The following RIT2 variants were observed in gnomAD, a reference collection of about 807,000 sequenced individuals.
The protein encoded by RIT2 is Ras like without CAAX 2.
Under a neutral mutation model 23.7 loss-of-function variants are expected in RIT2, and 24 were observed. The ratio of observed to expected loss-of-function variants is 1.01; its 90% CI spans 0.73 to 1.43. The LOEUF (loss-of-function observed/expected upper bound fraction) is 1.43, where lower values mean the gene tolerates loss of function less well. Ranked by LOEUF, RIT2 falls within the 40% of genes most tolerant of loss-of-function variation. The pLI is 0.00. For synonymous variants in RIT2, 107 were observed against 91.1 expected, an observed-to-expected ratio of 1.17 and a Z score of -0.99; for missense variants, 236 against 266.9, an observed-to-expected ratio of 0.88 and a Z score of 0.81.
At chr18:42,894,998 T>C (rs991293634) in intron 4 of RIT2, among the ~76,000 whole-genome samples, 2 of 152,176 alleles carry the variant, frequency 1.3e-5, no homozygotes, top group Non-Finnish European at 2.9e-5. Context: ...AGTTTGGAAG[T>C]GGAAGCCTCA....
At chr18:42,949,440 A>T (rs1909799168) in intron 3 of RIT2, among the ~76,000 whole-genome samples, 1 of 152,106 alleles carries the variant, frequency 6.6e-6, no homozygotes, top group Non-Finnish European at 1.5e-5. Flanking sequence ...TAAATGTTTC[A>T]AAATAATTAT....
intron 1 of RIT2, among the ~76,000 whole-genome samples, chr18:43,092,340 A>G (rs1201597730): frequency 6.6e-6 from 1 of 152,094 alleles, no homozygotes; most frequent in Non-Finnish European, 1.5e-5. Flanking sequence ...TTTCCTTTTA[A>G]AAATGGAGTA....
intron 4 of RIT2, among the ~76,000 whole-genome samples, chr18:42,789,080 G>C (rs1913983055): frequency 6.6e-6 from 1 of 152,050 alleles, no homozygotes; most frequent in South Asian, 2.1e-4. Flanking sequence ...AGTGAAACTG[G>C]CATATCTTTA....
intron 4 of RIT2, among the ~76,000 whole-genome samples, chr18:42,789,594 T>C (rs1913996549): frequency 1.3e-5 from 2 of 152,178 alleles, no homozygotes; most frequent in African/African-American, 4.8e-5. Context: ...ATACTGTAAA[T>C]GGGATTGTCT....
chr18:42,990,059 G>T (rs2144226195), intron 2 of RIT2, among the ~76,000 whole-genome samples: 1 of 150,696 alleles, frequency 6.6e-6, no homozygotes, highest in Non-Finnish European at 1.5e-5. Flanking sequence ...TTATTGTAAG[G>T]AATACAATAA....
intron 4 of RIT2, among the ~76,000 whole-genome samples, chr18:42,898,435 T>C (rs960639977): frequency 6.6e-6 from 1 of 152,128 alleles, no homozygotes; most frequent in Admixed American, 6.5e-5. Context: ...GGCAATTGTA[T>C]AGTCTTCTTT....
chr18:42,882,116 T>C (rs1423403369), intron 4 of RIT2, among the ~76,000 whole-genome samples: 1 of 152,232 alleles, frequency 6.6e-6, no homozygotes, highest in African/African-American at 2.4e-5. Flanking sequence ...TTTTTAACTA[T>C]ATATTTTCTG....
At chr18:43,094,123 G>GT (rs376144367) in intron 1 of RIT2, among the ~76,000 whole-genome samples, 45,938 of 115,786 alleles carry the variant, frequency 0.4, 8,257 homozygotes, top group East Asian at 0.5. Context: ...GGTTTTTTTT[G>GT]TTTTTTTTTT....
At chr18:43,053,493 G>A (rs1381353239) in intron 1 of RIT2, among the ~76,000 whole-genome samples, 1 of 151,940 alleles carries the variant, frequency 6.6e-6, no homozygotes, top group Non-Finnish European at 1.5e-5. Context: ...GGATTAAATG[G>A]GATGGTAAGG....
In RIT2 at chr18:42,930,769, T is replaced by C. The variant is rs189444543; in HGVS notation, c.235-7006A>G. ...CTTAGGTGAAAGATTAGAATCTAAA[T>C]GGGGTAGTTGTGACAGATTCAGGGG... On this transcript the variant is annotated intron_variant, in intron 3 of 4. Coordinates refer to ENST00000326695, the MANE Select transcript of RIT2 (RefSeq NM_002930.4). Among the ~76,000 whole-genome samples, 419 of 152,130 alleles carry C rather than the reference T, an allele frequency of 2.8e-3. 2 individuals are homozygous for C. The highest frequency in any genetic ancestry group is 9.4e-3 in the African/African-American group (392 of 41,512).
At chr18:42,873,393 A>G (rs1244152715) in intron 4 of RIT2, among the ~76,000 whole-genome samples, 1 of 152,178 alleles carries the variant, frequency 6.6e-6, no homozygotes, top group Non-Finnish European at 1.5e-5. Context: ...TCCGAGTAGA[A>G]AAATGCTGAT....
chr18:43,048,276 G>T (rs1912295473), intron 1 of RIT2, among the ~76,000 whole-genome samples: 2 of 152,152 alleles, frequency 1.3e-5, no homozygotes, highest in South Asian at 2.1e-4. Context: ...ATGACATTAA[G>T]TGTAGCATGT....
intron 4 of RIT2, among the ~76,000 whole-genome samples, chr18:42,798,386 A>G (rs1428059158): frequency 6.6e-6 from 1 of 152,230 alleles, no homozygotes; most frequent in Non-Finnish European, 1.5e-5. Flanking sequence ...CATTTCTGGC[A>G]AGCAACAGTC....
chr18:42,988,392 A>G lies in RIT2; in HGVS notation c.161-14245T>C, dbSNP rs150747030. Among the ~76,000 whole-genome samples the G allele has an allele frequency of 6.1e-3, 922 of 152,310 alleles. 3 individuals carry two copies. Among genetic ancestry groups the G allele is most frequent in the African/African-American group, 0.021 (865 of 41,566 alleles). ...TTCTTATTTTTCTCTAGTCTATAACAATTGTATTTCAGATAATGACAATTT... is the reference window on the plus strand; with the variant it reads ...TTCTTATTTTTCTCTAGTCTATAACGATTGTATTTCAGATAATGACAATTT... On this transcript the variant is annotated intron_variant, in intron 2 of 4. Coordinates refer to ENST00000326695, the MANE Select transcript of RIT2 (RefSeq NM_002930.4).
In RIT2 at chr18:43,021,988, G is replaced by A. The variant is rs78235743; in HGVS notation, c.160+11823C>T. Reference sequence around the variant, plus strand: ...CCAAAGGCAAGGAAATTACTATATCGGAGGGATACCTGCATTCCCATGTTT... The same window carrying A: ...CCAAAGGCAAGGAAATTACTATATCAGAGGGATACCTGCATTCCCATGTTT... On this transcript the variant is annotated intron_variant, in intron 2 of 4. Transcript: ENST00000326695. 5.9e-3 allele frequency among the ~76,000 whole-genome samples: 898 copies of A among 152,168 alleles called. 12 individuals carry two copies. The highest frequency in any genetic ancestry group is 0.02 in the African/African-American group (850 of 41,534).
intron 4 of RIT2, among the ~76,000 whole-genome samples, chr18:42,775,819 C>T (rs1002464390): frequency 6.6e-6 from 1 of 151,714 alleles, no homozygotes; most frequent in Non-Finnish European, 1.5e-5. Flanking sequence ...CTAGATTTTC[C>T]CAAGGCCGTT....
chr18:43,071,980 TG>T (rs1425182077), intron 1 of RIT2, among the ~76,000 whole-genome samples: 47 of 152,088 alleles, frequency 3.1e-4, no homozygotes, highest in South Asian at 2.9e-3. Context: ...TTGTTGTTGT[TG>T]TTGTTGTTGT....
chr18:43,060,941 T>A (rs557276021), intron 1 of RIT2, among the ~76,000 whole-genome samples: 1 of 152,242 alleles, frequency 6.6e-6, no homozygotes, highest in South Asian at 2.1e-4. Context: ...TTTTGAATCC[T>A]TCTAATAGCA....
intron 4 of RIT2, among the ~76,000 whole-genome samples, chr18:42,773,205 G>A (rs1283964410): frequency 6.6e-6 from 1 of 152,112 alleles, no homozygotes; most frequent in Non-Finnish European, 1.5e-5. Flanking sequence ...TGATATTTAT[G>A]AACTGATGAT....
Sources: allele counts gnomAD v4.1 joint callset (sites outside exome capture counted in the v4.1 genomes callset), GRCh38; gene constraint gnomAD v4.1.1; transcripts MANE v1.5; gene names NCBI Gene and HGNC (gene_info 2026-07-23, HGNC 2026-07-21).